CEP43: variants seen among roughly 807,000 people sequenced by gnomAD.
The protein encoded by CEP43 is centrosomal protein 43, also known as FGFR1 oncogene partner.
In CEP43, 36 loss-of-function variants were observed where a neutral mutation model predicts 52.6. That is an observed-to-expected ratio of 0.68 (90% CI 0.52 to 0.90). CEP43 has a LOEUF of 0.90. Ranked by LOEUF, CEP43 falls within the 40% of genes least tolerant of loss-of-function variation. CEP43 has a pLI of 0.00. For synonymous variants in CEP43, 192 were observed against 172.4 expected, an observed-to-expected ratio of 1.11 and a Z score of -0.89; for missense variants, 506 against 472.8, an observed-to-expected ratio of 1.07 and a Z score of -0.65.
intron 12 of CEP43, among the ~76,000 whole-genome samples, chr6:167,037,641 T>C (rs10946204): frequency 0.35 from 53,307 of 152,130 alleles, 10,439 homozygotes; most frequent in Non-Finnish European, 0.46. Context: ...TACTTACAAC[T>C]TAAATTTCTG....
intron 5 of CEP43, among the ~76,000 whole-genome samples, chr6:167,008,231 A>G (rs113841643): frequency 6.7e-4 from 101 of 150,666 alleles, no homozygotes; most frequent in African/African-American, 2.3e-3. Flanking sequence ...TCGTTATTCT[A>G]TCCTCCACTT....
At chr6:167,006,792 A>G (rs537589120) in intron 5 of CEP43, among the ~76,000 whole-genome samples, 33 of 152,302 alleles carry the variant, frequency 2.2e-4, no homozygotes, top group African/African-American at 6.7e-4. Flanking sequence ...CTTTAAGTTC[A>G]GTGTAGTCTG....
intron 2 of CEP43, among the ~76,000 whole-genome samples, chr6:167,001,599 C>T (rs1779737930): frequency 6.6e-6 from 1 of 152,196 alleles, no homozygotes; most frequent in Non-Finnish European, 1.5e-5. Flanking sequence ...AGCTTCAGAC[C>T]TGTATGTTAA....
intron 12 of CEP43, among the ~76,000 whole-genome samples, chr6:167,037,860 C>A (rs1780614614): frequency 6.6e-6 from 1 of 152,178 alleles, no homozygotes; most frequent in Non-Finnish European, 1.5e-5. Flanking sequence ...CATAACTACT[C>A]CACCTTGCCA....
rs1305847319 is a variant in CEP43 at position 167,026,536 on chromosome 6, C to A, written c.920-11C>A. 4 of 1,539,446 alleles carry A rather than the reference C, an allele frequency of 2.6e-6. No individual in the cohort carries two copies. The highest frequency in any genetic ancestry group is 1.7e-4 in the Middle Eastern group (1 of 5,822). On this transcript the variant is annotated splice_polypyrimidine_tract_variant and intron_variant, in intron 9 of 12. Coordinates refer to ENST00000366847, the MANE Select transcript of CEP43 (RefSeq NM_007045.4). ...AGTCACTCTAATGTTAATATTTTCT[C>A]CTGTTCACAGGTAAAAGGGGAAATA...
chr6:167,023,169 G>A (rs567806548), intron 8 of CEP43, among the ~76,000 whole-genome samples: 2 of 152,284 alleles, frequency 1.3e-5, no homozygotes, highest in South Asian at 4.1e-4. Context: ...CGAGTTGGGG[G>A]TAGCAGAGAG....
chr6:166,999,813 C>T lies in CEP43; in HGVS notation c.103-247C>T, dbSNP rs1020111132. The T allele has an allele frequency of 9.0e-6, 5 of 556,590 alleles. No homozygotes were observed. The African/African-American group carries it at 9.8e-5, about 11-fold the overall frequency. 34.5% of individuals were successfully genotyped at this position (556,590 alleles called of 1,614,324 possible). A position where few individuals can be genotyped will look rare whatever the true frequency, so the allele number is the denominator to read the frequency against. ...CACACGGGCGGCCCGCAGCTGGGCC[C>T]TGGAGTGCGGCCCCAGCGTCTCTTC... On this transcript the variant is annotated intron_variant, in intron 1 of 12. Coordinates refer to ENST00000366847, the MANE Select transcript of CEP43 (RefSeq NM_007045.4).
At chr6:167,034,012 T>A (rs1780530131) in intron 12 of CEP43, 41 bp downstream of exon 12, 3 of 917,528 alleles carry the variant, frequency 3.3e-6, no homozygotes, top group East Asian at 5.2e-5. Flanking sequence ...TTTTTTTTTT[T>A]AACCTATTTG....
Position 167,014,281 on chromosome 6 carries a change from T to G in CEP43, c.579+714T>G, listed in dbSNP as rs75825898. ...CCAAGATGTTTTTGTGTTCTGTCAT[T>G]TTTCAGACAATTGCACATTTGTGAT... On this transcript the variant is annotated intron_variant, in intron 7 of 12. Coordinates refer to ENST00000366847, the MANE Select transcript of CEP43 (RefSeq NM_007045.4). Among the ~76,000 whole-genome samples, 922 of 152,298 alleles carry G rather than the reference T, an allele frequency of 6.1e-3. 10 individuals carry two copies. The highest frequency in any genetic ancestry group is 0.02 in the African/African-American group (838 of 41,554).
intron 7 of CEP43, among the ~76,000 whole-genome samples, chr6:167,014,219 G>T (rs1052009528): frequency 1.3e-5 from 2 of 151,956 alleles, no homozygotes; most frequent in Admixed American, 1.3e-4. Context: ...TTTTGAATAC[G>T]TACCTATTGA....
intron 1 of CEP43, 173 bp from the exon 2 acceptor site, chr6:166,999,887 A>C: frequency 1.7e-6 from 1 of 584,706 alleles, no homozygotes; most frequent in Non-Finnish European, 3.0e-6. Flanking sequence ...GTCCAGCCGA[A>C]GCCTGGGGGT....
rs1780881308 is a variant in CEP43 at position 167,052,348 on chromosome 6, G to A, written c.*12370G>A. 1 of 152,150 alleles carries A rather than the reference G, an allele frequency of 6.6e-6. No homozygotes were observed. Among genetic ancestry groups the A allele is most frequent in the South Asian group, 2.1e-4 (1 of 4,824 alleles). The allele number at this position is 152,150 out of a possible 1,614,324, so 9.4% of individuals were successfully genotyped here. On this transcript the variant is annotated 3_prime_UTR_variant, in exon 13 of 13. Transcript: ENST00000366847. ...TGAGACTGGAAGTGAGGGAAATAGG[G>A]CGTGCAGGAAGGAAGGAAGAGGAAG...
intron 2 of CEP43, 21 bp from the exon 3 acceptor site, chr6:167,003,171 TA>T (rs1455428022): frequency 1.1e-5 from 14 of 1,218,958 alleles, no homozygotes; most frequent in Admixed American, 2.4e-5. Context: ...ACATGACACT[TA>T]AATTTTTTTT....
At chr6:167,000,598 C>G (rs1166857327) in intron 2 of CEP43, among the ~76,000 whole-genome samples, 1 of 152,236 alleles carries the variant, frequency 6.6e-6, no homozygotes, top group African/African-American at 2.4e-5. Flanking sequence ...GTCCCACCAA[C>G]CATCCTGAGT....
chr6:167,005,333 G>A (rs1277455165), intron 5 of CEP43, among the ~76,000 whole-genome samples: 1 of 152,214 alleles, frequency 6.6e-6, no homozygotes, highest in East Asian at 1.9e-4. Context: ...AAGATAAAAT[G>A]TGCTCAAATA....
At chr6:167,014,195 A>C (rs1319403540) in intron 7 of CEP43, among the ~76,000 whole-genome samples, 3 of 152,244 alleles carry the variant, frequency 2.0e-5, no homozygotes, top group Non-Finnish European at 2.9e-5. Context: ...GGAAAATAGA[A>C]CATCAAACTA....
In CEP43 at chr6:167,024,880, T is replaced by C. The variant is rs1780320062; in HGVS notation, c.905T>C (p.Leu302Ser). Residue 302 changes from leucine to serine, a missense_variant, in exon 9 of 13, where the codon TTA becomes TCA. Coordinates refer to ENST00000366847, the MANE Select transcript of CEP43 (RefSeq NM_007045.4). ...GLSSLAGAPS[L>S]KDSESKRGNT... The stretch of plus-strand genomic sequence containing the variant: ...AGCTCCCTGGCGGGAGCCCCTTCTT[T>C]AAAAGACTCTGAGAGTAAGTGCCCA... The C allele has an allele frequency of 6.2e-7, 1 of 1,601,290 alleles. No individual in the cohort carries two copies. The highest frequency in any genetic ancestry group is 8.5e-7 in the Non-Finnish European group (1 of 1,169,898).
rs537826398 is a variant in CEP43, at chr6:167,035,628, G to A, written c.1125+1657G>A. Among the ~76,000 whole-genome samples, 416 of 151,450 alleles carry A rather than the reference G, an allele frequency of 2.7e-3. 3 individuals carry two copies. Among genetic ancestry groups the A allele is most frequent in the African/African-American group, 9.7e-3 (398 of 41,200 alleles). ...GTTGCCCAGGCTGGAGTGCAGTGGC[G>A]CTATCTCAGCTCACTGCAAGCTCCG... On this transcript the variant is annotated intron_variant, in intron 12 of 12. Coordinates refer to ENST00000366847, the MANE Select transcript of CEP43 (RefSeq NM_007045.4).
At chr6:167,015,397 G>C (rs1405894450) in intron 7 of CEP43, among the ~76,000 whole-genome samples, 1 of 152,106 alleles carries the variant, frequency 6.6e-6, no homozygotes, top group Non-Finnish European at 1.5e-5. Context: ...GCTTTGCCTT[G>C]TGCATGCAGT....
Sources: gnomAD v4.1 joint callset for allele counts (sites outside exome capture counted in the v4.1 genomes callset) on GRCh38, gnomAD v4.1.1 for gene constraint, MANE v1.5 for transcripts, NCBI Gene and HGNC (gene_info 2026-07-23, HGNC 2026-07-21) for gene names.